PCDHA2: variants seen among roughly 807,000 people sequenced by gnomAD.
PCDHA2 encodes the protein protocadherin alpha-2.
Under a neutral mutation model 66.0 loss-of-function variants are expected in PCDHA2, and 58 were observed. The observed-to-expected ratio is 0.88, with a 90% confidence interval of 0.71 to 1.09. The LOEUF is 1.09. Among genes scored for constraint, PCDHA2 ranks in the 50% least tolerant of loss-of-function variants. The pLI, the probability that PCDHA2 is intolerant of heterozygous loss-of-function variation, is 0.00. For missense variants in PCDHA2, 1,267 were observed against 1,242.3 expected (o/e 1.02, Z -0.30); for synonymous variants, 634 against 554.0 (o/e 1.14, Z -2.03).
chr5:140,934,377 G>A (rs1183246116), intron 1 of PCDHA2, among the ~76,000 whole-genome samples: 2 of 152,050 alleles, frequency 1.3e-5, no homozygotes, highest in Non-Finnish European at 2.9e-5. Flanking sequence ...TCCTTCTGTG[G>A]TTCTATGGTG....
intron 1 of PCDHA2, chr5:140,967,360 G>A: frequency 1.2e-6 from 2 of 1,607,656 alleles, no homozygotes; most frequent in South Asian, 1.1e-5. Context: ...TGGACCTTAA[G>A]CCCCTGCAGG....
chr5:140,994,229 A>G (rs1488908759), intron 3 of PCDHA2, among the ~76,000 whole-genome samples: 3 of 152,188 alleles, frequency 2.0e-5, no homozygotes, highest in African/African-American at 7.2e-5. Flanking sequence ...TGTCTATGTT[A>G]TAATCAATTC....
At chr5:140,830,299 G>A (rs2150184675) in intron 1 of PCDHA2, 1 of 1,613,920 alleles carries the variant, frequency 6.2e-7, no homozygotes, top group South Asian at 1.1e-5. Context: ...CGGCGGACAA[G>A]CCCACGCTGG....
chr5:140,952,822 G>A (rs1364476088), intron 1 of PCDHA2, among the ~76,000 whole-genome samples: 3 of 152,184 alleles, frequency 2.0e-5, no homozygotes, highest in Non-Finnish European at 4.4e-5. Context: ...TGTACAGGAA[G>A]CATGATGCTG....
chr5:140,981,489 G>A (rs1554242906), intron 2 of PCDHA2, among the ~76,000 whole-genome samples: 1 of 152,194 alleles, frequency 6.6e-6, no homozygotes, highest in Non-Finnish European at 1.5e-5. Flanking sequence ...CAGGAGAATT[G>A]CTTGAACCTG....
intron 3 of PCDHA2, among the ~76,000 whole-genome samples, chr5:140,985,765 A>G (rs2097169846): frequency 7.8e-6 from 1 of 128,516 alleles, no homozygotes; most frequent in African/African-American, 3.0e-5. Flanking sequence ...TTTTTGAGAC[A>G]GTCTCGCTCT....
At chr5:140,928,489 C>A in intron 1 of PCDHA2, 1 of 1,614,152 alleles carries the variant, frequency 6.2e-7, no homozygotes. Context: ...TGGTGGCATT[C>A]CTCCCAGAAG....
intron 1 of PCDHA2, among the ~76,000 whole-genome samples, chr5:140,973,282 C>T (rs1554235080): frequency 2.6e-5 from 4 of 152,148 alleles, no homozygotes; most frequent in African/African-American, 7.2e-5. Context: ...TCCCCCAGCA[C>T]TGATTTTTCT....
intron 1 of PCDHA2, among the ~76,000 whole-genome samples, chr5:140,904,941 G>A (rs782716792): frequency 7.2e-5 from 11 of 152,102 alleles, no homozygotes; most frequent in Admixed American, 3.9e-4. Context: ...CTGGATATTA[G>A]TCCTTTGTCT....
At chr5:141,006,612 AAGG>A (rs2098279964) in intron 3 of PCDHA2, among the ~76,000 whole-genome samples, 1 of 152,204 alleles carries the variant, frequency 6.6e-6, no homozygotes, top group African/African-American at 2.4e-5. Flanking sequence ...CAGACTGAAT[AAGG>A]AGACTATTGC....
chr5:140,877,074 G>A (rs1554169286), intron 1 of PCDHA2: 1 of 1,613,132 alleles, frequency 6.2e-7, no homozygotes, highest in Non-Finnish European at 8.5e-7. Flanking sequence ...TGCAGTTCCA[G>A]GTGAGCGCGC....
intron 1 of PCDHA2, chr5:140,801,477 G>A: frequency 6.2e-7 from 1 of 1,614,110 alleles, no homozygotes; most frequent in Non-Finnish European, 8.5e-7. Context: ...AGACCGCGAG[G>A]AACTGTGCGG....
chr5:140,951,667 C>A (rs180768474), intron 1 of PCDHA2, among the ~76,000 whole-genome samples: 10 of 152,274 alleles, frequency 6.6e-5, no homozygotes, highest in African/African-American at 2.4e-4. Context: ...GGCCTGCCTA[C>A]AAAATTGGGG....
chr5:140,835,574 G>T (rs1192023261), intron 1 of PCDHA2: 2 of 1,613,868 alleles, frequency 1.2e-6, no homozygotes, highest in Admixed American at 1.7e-5. Flanking sequence ...CCTTCAAGTT[G>T]GTGTCCACCT....
At chr5:140,850,905 A>G in intron 1 of PCDHA2, 1 of 1,550,536 alleles carries the variant, frequency 6.4e-7, no homozygotes, top group Non-Finnish European at 8.7e-7. Context: ...TTTTTCTAGC[A>G]TTTTATTTAT....
chr5:141,005,697 G>A (rs1197870932), intron 3 of PCDHA2, among the ~76,000 whole-genome samples: 75 of 78,728 alleles, frequency 9.5e-4, no homozygotes, highest in Admixed American at 6.2e-4. Context: ...GCGAAACTCC[G>A]TCTCAAAAAA....
At chr5:140,802,680 G>T (rs1363976699) in intron 1 of PCDHA2, 2 of 1,613,106 alleles carry the variant, frequency 1.2e-6, no homozygotes, top group Admixed American at 3.3e-5. Flanking sequence ...CTACTCGCTG[G>T]TGGAACGGCG....
chr5:140,973,812 G>A (rs897592585), intron 1 of PCDHA2, among the ~76,000 whole-genome samples: 10 of 152,236 alleles, frequency 6.6e-5, no homozygotes, highest in Admixed American at 6.5e-4. Context: ...TGACAGAATA[G>A]CAAAGTCAGT....
At chr5:140,917,815 G>T (rs554230002) in intron 1 of PCDHA2, among the ~76,000 whole-genome samples, 1 of 152,018 alleles carries the variant, frequency 6.6e-6, no homozygotes, top group South Asian at 2.1e-4. Context: ...TATAGTTGAA[G>T]TTGGGTAGTG....
Sources: allele counts gnomAD v4.1 joint callset (sites outside exome capture counted in the v4.1 genomes callset), GRCh38; gene constraint gnomAD v4.1.1; transcripts MANE v1.5; gene names NCBI Gene and HGNC (gene_info 2026-07-23, HGNC 2026-07-21).